The following BICD2 variants were observed in gnomAD, a reference collection of about 807,000 sequenced individuals.
BICD2 encodes BICD cargo adaptor 2.
Under a neutral mutation model 72.9 loss-of-function variants are expected in BICD2, and 25 were observed. The observed-to-expected ratio is 0.34, with a 90% CI of 0.25 to 0.48. The LOEUF (loss-of-function observed/expected upper bound fraction) is 0.48, where lower values mean the gene tolerates loss of function less well. Ranked by LOEUF, BICD2 falls within the 20% of genes least tolerant of loss-of-function variation. BICD2 has a pLI of 0.99. For synonymous variants in BICD2, 501 were observed against 516.1 expected (o/e 0.97, Z 0.40); for missense variants, 894 against 1,175.2 (o/e 0.76, Z 3.50).
At chr9:92,755,868 C>T (rs1249799383) in intron 1 of BICD2, among the ~76,000 whole-genome samples, 1 of 152,230 alleles carries the variant, frequency 6.6e-6, no homozygotes, top group Non-Finnish European at 1.5e-5. Context: ...CGCCATGATG[C>T]TGTCACTAGA....
At chr9:92,717,315 GCAAA>G (rs1853336704) in intron 6 of BICD2, among the ~76,000 whole-genome samples, 1 of 152,232 alleles carries the variant, frequency 6.6e-6, no homozygotes, top group Non-Finnish European at 1.5e-5. Flanking sequence ...CTCCATATAT[GCAAA>G]GCAGAGACAA....
chr9:92,728,197 C>T (rs868457059), intron 2 of BICD2, among the ~76,000 whole-genome samples: 2 of 152,230 alleles, frequency 1.3e-5, no homozygotes, highest in Non-Finnish European at 2.9e-5. Flanking sequence ...TTGGCCACAT[C>T]GTTCCCCTGG....
chr9:92,735,775 C>CG (rs1330667807), intron 1 of BICD2, among the ~76,000 whole-genome samples: 1 of 152,146 alleles, frequency 6.6e-6, no homozygotes, highest in African/African-American at 2.4e-5. Flanking sequence ...CTGCTGTTCA[C>CG]GGGCACACAG....
chr9:92,742,674 T>C (rs1432328076), intron 1 of BICD2, among the ~76,000 whole-genome samples: 1 of 152,042 alleles, frequency 6.6e-6, no homozygotes. Context: ...TGAGCCACTG[T>C]GCCCGGCCTA....
rs1853428439 is a variant in BICD2, at chr9:92,720,081, CA to C, written c.1062+218del. On this transcript the variant is annotated intron_variant, in intron 4 of 6. Transcript: ENST00000356884. The surrounding 1 kb of genome is among the most constrained non-coding windows in gnomAD (Gnocchi z 5.4). ...CTTCACCCTGACACCACGTAGTTAA[CA>C]GGGGAGCAATGTGGGTGCTGCAGTG... Among the ~76,000 whole-genome samples the C allele has an allele frequency of 6.6e-6, 1 of 152,228 alleles. No individual in the cohort carries two copies. Among genetic ancestry groups the C allele is most frequent in the South Asian group, 2.1e-4 (1 of 4,836 alleles).
At chr9:92,718,072 AG>A in intron 5 of BICD2, 124 bp from the exon 6 acceptor site, 3 of 1,249,114 alleles carry the variant, frequency 2.4e-6, no homozygotes, top group Non-Finnish European at 3.3e-6. Flanking sequence ...AGCTCCTGGG[AG>A]GCCCCTCCCT....
chr9:92,744,589 C>A (rs1296350310), intron 1 of BICD2, among the ~76,000 whole-genome samples: 1 of 152,138 alleles, frequency 6.6e-6, no homozygotes, highest in Admixed American at 6.5e-5. Context: ...AGCCTGTAAT[C>A]CCAGCACTTT....
chr9:92,731,924 G>C (rs1434912469), intron 1 of BICD2, among the ~76,000 whole-genome samples: 1 of 152,194 alleles, frequency 6.6e-6, no homozygotes, highest in Non-Finnish European at 1.5e-5. Context: ...AAATTAGTCT[G>C]GATTAAATCT....
chr9:92,744,432 T>C (rs1288827613), intron 1 of BICD2, among the ~76,000 whole-genome samples: 1 of 152,258 alleles, frequency 6.6e-6, no homozygotes, highest in African/African-American at 2.4e-5. Context: ...TGTTGGTAGT[T>C]ACATGGGTGT....
chr9:92,729,696 G>A (rs1195265230), intron 1 of BICD2, among the ~76,000 whole-genome samples: 1 of 152,244 alleles, frequency 6.6e-6, no homozygotes, highest in African/African-American at 2.4e-5. Context: ...CTCCTTCTGG[G>A]AGAGACCTGG....
chr9:92,714,621 T>C lies in BICD2; in HGVS notation c.*533A>G, dbSNP rs1853264268. 1 of 985,804 alleles carries C rather than the reference T, an allele frequency of 1.0e-6. No homozygotes were observed. The highest frequency in any genetic ancestry group is 4.7e-5 in the South Asian group (1 of 21,298). 61.1% of individuals were successfully genotyped at this position (985,804 alleles called of 1,614,324 possible). A position where few individuals can be genotyped will look rare whatever the true frequency, so the allele number is the denominator to read the frequency against. ...CTTCTTTCCTGAATATGATTTGCAG[T>C]CAGATACTGCATAAACTACAACGTA... is the stretch of plus-strand genomic sequence containing the variant. On this transcript the variant is annotated 3_prime_UTR_variant, in exon 7 of 7. Coordinates refer to ENST00000356884, the MANE Select transcript of BICD2 (RefSeq NM_001003800.2).
chr9:92,730,765 G>A (rs1284097358), intron 1 of BICD2, among the ~76,000 whole-genome samples: 2 of 152,180 alleles, frequency 1.3e-5, no homozygotes, highest in South Asian at 2.1e-4. Flanking sequence ...TGCACGGGGG[G>A]ACTCGGGATT....
At chr9:92,747,690 C>A (rs1444522081) in intron 1 of BICD2, among the ~76,000 whole-genome samples, 1 of 152,226 alleles carries the variant, frequency 6.6e-6, no homozygotes, top group East Asian at 1.9e-4. Flanking sequence ...CAGATATACA[C>A]ACAGTGTGGG....
At position 92,725,138 on chromosome 9, in the gene BICD2, T is replaced by C. The variant is rs1853541765; in HGVS notation, c.454-2330A>G. Among the ~76,000 whole-genome samples, 6 of 152,338 alleles carry C rather than the reference T, an allele frequency of 3.9e-5. 1 individual carries two copies. The South Asian group carries it at 1.2e-3, about 32-fold the overall frequency. ...GACTGAAGCAGAGAGCCTGGCCAGA[T>C]GCCTCATACCATTAGGGTCCCCCAG... On this transcript the variant is annotated intron_variant, in intron 2 of 6. Transcript: ENST00000356884.
chr9:92,725,757 C>T (rs1327519789), intron 2 of BICD2, among the ~76,000 whole-genome samples: 2 of 152,240 alleles, frequency 1.3e-5, no homozygotes, highest in African/African-American at 4.8e-5. Flanking sequence ...AGGGGGTCGG[C>T]TGCCCTCTCT....
At chr9:92,737,309 TAGG>T (rs1853808661) in intron 1 of BICD2, among the ~76,000 whole-genome samples, 1 of 152,148 alleles carries the variant, frequency 6.6e-6, no homozygotes, top group Admixed American at 6.5e-5. Context: ...CCCCTGACGA[TAGG>T]AGCTTTAAAA....
chr9:92,748,316 GGGA>G (rs904662628), intron 1 of BICD2, among the ~76,000 whole-genome samples: 3 of 152,172 alleles, frequency 2.0e-5, no homozygotes, highest in Admixed American at 2.0e-4. Flanking sequence ...GTGCACAGCA[GGGA>G]GGATTCAAAC....
Position 92,715,192 on chromosome 9 carries a change from C to A in BICD2, c.2530G>T (p.Val844Leu). 6.2e-7 allele frequency: 1 copy of A among 1,608,674 alleles called. No homozygotes were observed. The highest frequency in any genetic ancestry group is 8.5e-7 in the Non-Finnish European group (1 of 1,176,616). The change falls in exon 7 of 7, where the codon GTG becomes TTG. Residue 844 changes from valine (V) to leucine (L), a missense_variant. Val to Leu is a conservative substitution (Grantham distance 32). This residue lies in a region of BICD2 where 321 missense variants were observed against 443.9 expected (regional missense o/e 0.72). Transcript: ENST00000356884. ...ATGCTGTGCTTCTCGCTGCAGAACA[C>A]CTGGTTGGCCAGCCCGGTGCCCTCG... ...RAEGTGLANQ[V>L]FCSEKHSIYC... is the part of the protein sequence containing the mutation.
At position 92,713,546 on chromosome 9, in the gene BICD2, G is replaced by T; in HGVS notation, c.*1608C>A. ...GACAATTGAAGCTCTCCACGTGCTG[G>T]GAGGGCGCGAGCACGTTAGTTGGCA... On this transcript the variant is annotated 3_prime_UTR_variant, in exon 7 of 7. Coordinates refer to ENST00000356884, the MANE Select transcript of BICD2 (RefSeq NM_001003800.2). 6.4e-7 allele frequency: 1 copy of T among 1,552,180 alleles called. No individual in the cohort carries two copies.
Sources: allele counts gnomAD v4.1 joint callset (sites outside exome capture counted in the v4.1 genomes callset), GRCh38; gene constraint gnomAD v4.1.1; regional missense constraint gnomAD v4.1.1; non-coding constraint Gnocchi (gnomAD v3.1); transcripts MANE v1.5; gene names NCBI Gene and HGNC (gene_info 2026-07-23, HGNC 2026-07-21).